The following TTC39B variants were observed in gnomAD, a reference collection of about 807,000 sequenced individuals.
The protein encoded by TTC39B is tetratricopeptide repeat protein 39B.
Under a neutral mutation model 96.6 loss-of-function variants are expected in TTC39B, and 92 were observed. The ratio of observed to expected loss-of-function variants is 0.95; its 90% CI spans 0.80 to 1.13. TTC39B has a LOEUF of 1.13. Among genes scored for constraint, TTC39B ranks in the 50% most tolerant of loss-of-function variants. The pLI is 0.00. For synonymous variants in TTC39B, 367 were observed against 299.4 expected, an observed-to-expected ratio of 1.23 and a Z score of -2.33; for missense variants, 955 against 809.3, an observed-to-expected ratio of 1.18 and a Z score of -2.18.
chr9:15,197,862 C>G (rs1334835250), intron 8 of TTC39B, among the ~76,000 whole-genome samples: 1 of 151,800 alleles, frequency 6.6e-6, no homozygotes, highest in Non-Finnish European at 1.5e-5. Flanking sequence ...GGAAAAAAAA[C>G]CCATCGACTC....
At chr9:15,275,045 T>G (rs572223938) in intron 1 of TTC39B, among the ~76,000 whole-genome samples, 355 of 144,378 alleles carry the variant, frequency 2.5e-3, no homozygotes, top group African/African-American at 9.9e-3. Flanking sequence ...AAATTCTGTT[T>G]TTTTTTTTTT....
intron 2 of TTC39B, among the ~76,000 whole-genome samples, chr9:15,266,819 C>T (rs1823148893): frequency 6.6e-6 from 1 of 152,142 alleles, no homozygotes. Context: ...GTGGCTCACG[C>T]CTGTAATCCC....
chr9:15,204,137 T>C lies in TTC39B; in HGVS notation c.692-247A>G, dbSNP rs16923177. Among the ~76,000 whole-genome samples the C allele has an allele frequency of 1.0e-3, 153 of 152,336 alleles. 2 individuals are homozygous for C. In the East Asian group the frequency reaches 0.028, roughly 28 times the overall value. On this transcript the variant is annotated intron_variant, in intron 6 of 19. Transcript: ENST00000512701. Reference sequence around the variant, plus strand: ...AATGTAACTGCAAAGAGTCAGTCACTTCGTATCAGAGACGCAAACTCAACT... The same window carrying C: ...AATGTAACTGCAAAGAGTCAGTCACCTCGTATCAGAGACGCAAACTCAACT...
chr9:15,201,551 G>A (rs1431579242), intron 7 of TTC39B, among the ~76,000 whole-genome samples: 1 of 152,168 alleles, frequency 6.6e-6, no homozygotes, highest in African/African-American at 2.4e-5. Flanking sequence ...AAGCAGATGT[G>A]AATTTTGTAA....
At chr9:15,182,364 G>A (rs747083274) in exon 17 of TTC39B, 1 of 1,611,752 alleles carries the variant, frequency 6.2e-7, no homozygotes, top group Non-Finnish European at 8.5e-7. Flanking sequence ...TTTTCAGAAA[G>A]GTCTTTTCTT....
In TTC39B at chr9:15,187,953, G is replaced by T; in HGVS notation, c.1395+18C>A. On this transcript the variant is annotated intron_variant, in intron 14 of 19. Transcript: ENST00000512701. ...GTATTAGCAAACAGATGACATTAAT[G>T]AAAGTATTGCACTTTACCTTGGACC... The T allele has an allele frequency of 1.3e-6, 2 of 1,544,314 alleles. No homozygotes were observed.
intron 10 of TTC39B, 41 bp from the exon 11 acceptor site, chr9:15,190,703 G>C: frequency 6.6e-7 from 1 of 1,506,048 alleles, no homozygotes; most frequent in Non-Finnish European, 9.2e-7. Context: ...GAACAAGACT[G>C]GAAAATCATA....
chr9:15,175,468 T>C (rs1004008801), intron 18 of TTC39B, among the ~76,000 whole-genome samples: 1 of 152,148 alleles, frequency 6.6e-6, no homozygotes, highest in Non-Finnish European at 1.5e-5. Context: ...AATGACTCCA[T>C]TTAGAAATAA....
chr9:15,268,814 C>A (rs987642602), intron 1 of TTC39B, among the ~76,000 whole-genome samples: 4 of 152,212 alleles, frequency 2.6e-5, no homozygotes, highest in Non-Finnish European at 5.9e-5. Context: ...CTTCACATGA[C>A]AACAATATCA....
At chr9:15,280,622 G>A (rs1291980563) in intron 1 of TTC39B, among the ~76,000 whole-genome samples, 5 of 152,122 alleles carry the variant, frequency 3.3e-5, no homozygotes, top group Admixed American at 6.6e-5. Context: ...ATGATACCCC[G>A]CTTTTGCTTA....
intron 3 of TTC39B, among the ~76,000 whole-genome samples, chr9:15,225,268 A>T (rs1821059911): frequency 6.6e-6 from 1 of 152,182 alleles, no homozygotes; most frequent in African/African-American, 2.4e-5. Flanking sequence ...TAAGAAAAAA[A>T]TTTAATATCT....
At chr9:15,233,130 G>A (rs1212209187) in intron 2 of TTC39B, among the ~76,000 whole-genome samples, 2 of 152,282 alleles carry the variant, frequency 1.3e-5, no homozygotes, top group South Asian at 2.1e-4. Context: ...GATAACACCA[G>A]GGTGTAGCCC....
chr9:15,200,533 T>G (rs570610637), intron 7 of TTC39B, among the ~76,000 whole-genome samples: 1 of 152,368 alleles, frequency 6.6e-6, no homozygotes, highest in African/African-American at 2.4e-5. Flanking sequence ...ACCATAAAAT[T>G]GAGGCTGTTG....
chr9:15,269,940 T>C (rs10121394), intron 1 of TTC39B, among the ~76,000 whole-genome samples: 47,695 of 150,902 alleles, frequency 0.32, 11,685 homozygotes, highest in African/African-American at 0.69. Flanking sequence ...AGGCCAAGGC[T>C]GGTGGATCAC....
chr9:15,177,926 G>A (rs1435747227), intron 17 of TTC39B, 112 bp from the exon 18 acceptor site: 1 of 602,086 alleles, frequency 1.7e-6, no homozygotes, highest in South Asian at 2.2e-5. Flanking sequence ...CTGGAGTGCA[G>A]TGGCGCAATC....
intron 1 of TTC39B, among the ~76,000 whole-genome samples, chr9:15,288,516 G>A (rs1398706142): frequency 3.3e-5 from 5 of 152,102 alleles, no homozygotes. Flanking sequence ...CACTCCAGGG[G>A]AAGATCATCT....
At chr9:15,300,749 G>A (rs1039856484) in intron 1 of TTC39B, among the ~76,000 whole-genome samples, 4 of 151,992 alleles carry the variant, frequency 2.6e-5, no homozygotes, top group Non-Finnish European at 5.9e-5. Context: ...AGCTGGGCGT[G>A]GTAGCAGGCA....
At chr9:15,269,557 TA>T (rs960776590) in intron 1 of TTC39B, among the ~76,000 whole-genome samples, 3 of 152,034 alleles carry the variant, frequency 2.0e-5, no homozygotes, top group Non-Finnish European at 4.4e-5. Context: ...GTGTAAATAC[TA>T]AAAAGAAGAA....
At chr9:15,252,463 A>G (rs1822597820) in intron 2 of TTC39B, among the ~76,000 whole-genome samples, 2 of 152,172 alleles carry the variant, frequency 1.3e-5, no homozygotes, top group South Asian at 4.1e-4. Context: ...CCTGGCTAAC[A>G]CGGTGAAACC....
Sources: allele counts gnomAD v4.1 joint callset (sites outside exome capture counted in the v4.1 genomes callset), GRCh38; gene constraint gnomAD v4.1.1; transcripts MANE v1.5; gene names NCBI Gene and HGNC (gene_info 2026-07-23, HGNC 2026-07-21).